DLC1: variants seen among roughly 807,000 people sequenced by gnomAD.
DLC1 encodes the protein rho GTPase-activating protein 7.
Under a neutral mutation model 140.3 loss-of-function variants are expected in DLC1, and 54 were observed. The ratio of observed to expected loss-of-function variants is 0.38; its 90% CI spans 0.31 to 0.48. DLC1 has a LOEUF of 0.48. Among genes scored for constraint, DLC1 ranks in the 20% least tolerant of loss-of-function variants. DLC1 has a pLI of 0.96. For missense variants in DLC1, 2,536 were observed against 1,907.0 expected (o/e 1.33, Z -6.14); for synonymous variants, 986 against 728.1 (o/e 1.35, Z -5.70).
intron 5 of DLC1, among the ~76,000 whole-genome samples, chr8:13,229,728 A>G (rs1202263482): frequency 6.6e-6 from 1 of 152,116 alleles, no homozygotes; most frequent in Admixed American, 6.6e-5. Flanking sequence ...TCTGCCATGA[A>G]AGTGGGTGAC....
intron 1 of DLC1, among the ~76,000 whole-genome samples, chr8:13,551,439 C>T (rs141447662): frequency 6.6e-6 from 1 of 151,872 alleles, no homozygotes; most frequent in African/African-American, 2.4e-5. Flanking sequence ...TGCCTAAGAA[C>T]GAGTCTATGG....
At chr8:13,420,401 T>C (rs1233268291) in intron 2 of DLC1, among the ~76,000 whole-genome samples, 2 of 151,962 alleles carry the variant, frequency 1.3e-5, no homozygotes, top group Non-Finnish European at 2.9e-5. Flanking sequence ...TAACTGACTA[T>C]TTTTTTTAAA....
At chr8:13,121,243 G>T (rs1306419248) in intron 5 of DLC1, among the ~76,000 whole-genome samples, 2 of 152,204 alleles carry the variant, frequency 1.3e-5, no homozygotes, top group Admixed American at 6.5e-5. Flanking sequence ...TCAGCTGTGT[G>T]CAGGCAGGTG....
chr8:13,160,815 G>A (rs923868205), intron 5 of DLC1, among the ~76,000 whole-genome samples: 1 of 152,226 alleles, frequency 6.6e-6, no homozygotes, highest in Non-Finnish European at 1.5e-5. Flanking sequence ...GCCGGGCGTG[G>A]TGGCTCACGC....
intron 2 of DLC1, among the ~76,000 whole-genome samples, chr8:13,475,563 G>A (rs1800398907): frequency 6.6e-6 from 1 of 152,182 alleles, no homozygotes; most frequent in Non-Finnish European, 1.5e-5. Flanking sequence ...AGCGACCATA[G>A]AAAATATAGA....
chr8:13,353,428 A>C (rs186167772), intron 4 of DLC1: 1 of 152,226 alleles, frequency 6.6e-6, no homozygotes, highest in African/African-American at 2.4e-5. Context: ...CCATTGAGTA[A>C]TGATGACTAG....
intron 5 of DLC1, among the ~76,000 whole-genome samples, chr8:13,260,315 A>G (rs1011000598): frequency 6.6e-6 from 1 of 152,218 alleles, no homozygotes; most frequent in Non-Finnish European, 1.5e-5. Flanking sequence ...AACTTTAGGT[A>G]AGAATGATGG....
intron 1 of DLC1, among the ~76,000 whole-genome samples, chr8:13,596,876 A>G (rs1442814857): frequency 6.6e-6 from 1 of 152,052 alleles, no homozygotes; most frequent in African/African-American, 2.4e-5. Flanking sequence ...TAATTATTTT[A>G]GAATCATACA....
At chr8:13,566,724 A>G (rs1585281492) in intron 1 of DLC1, 1 of 468,174 alleles carries the variant, frequency 2.1e-6, no homozygotes, top group East Asian at 3.4e-5. Context: ...TGCAGAAGAC[A>G]GGGCAAAATC....
At chr8:13,239,148 G>A (rs952946327) in intron 5 of DLC1, among the ~76,000 whole-genome samples, 2 of 152,142 alleles carry the variant, frequency 1.3e-5, no homozygotes, top group South Asian at 2.1e-4. Context: ...TCCAGTCTAC[G>A]AAGAACAACT....
chr8:13,589,461 C>T (rs567973124), intron 1 of DLC1, among the ~76,000 whole-genome samples: 45 of 152,084 alleles, frequency 3.0e-4, no homozygotes, highest in Middle Eastern at 3.4e-3. Context: ...TCACATGAGC[C>T]CTCTGAAAGT....
chr8:13,297,035 A>G (rs2117485436), intron 5 of DLC1, among the ~76,000 whole-genome samples: 1 of 151,942 alleles, frequency 6.6e-6, no homozygotes, highest in African/African-American at 2.4e-5. Context: ...ATATTTGGAA[A>G]ATTATCTGTA....
chr8:13,442,250 C>G (rs1206666475), intron 2 of DLC1, among the ~76,000 whole-genome samples: 1 of 152,090 alleles, frequency 6.6e-6, no homozygotes, highest in East Asian at 1.9e-4. Flanking sequence ...CCCTAAAAAC[C>G]CTAGAAGAAA....
In DLC1 at chr8:13,496,816, TTTG is replaced by T. The variant is rs780661040; in HGVS notation, c.1023+2230_1023+2232del. 1.5e-3 allele frequency among the ~76,000 whole-genome samples: 21 copies of T among 13,840 alleles called. 5 individuals are homozygous for T. The highest frequency in any genetic ancestry group is 3.9e-3 in the South Asian group (2 of 512). 9.1% of individuals were successfully genotyped at this position (13,840 alleles called of 152,430 possible). A position where few individuals can be genotyped will look rare whatever the true frequency, so the allele number is the denominator to read the frequency against. On this transcript the variant is annotated intron_variant, in intron 2 of 17. Coordinates refer to ENST00000276297, the MANE Select transcript of DLC1 (RefSeq NM_182643.3). Reference sequence around the variant, plus strand: ...TTTTTTTTTTTTTTTTTTTTTTTTTTTTGAGATGGAGTTTCGCTGTGTCACCCA... The same window carrying T: ...TTTTTTTTTTTTTTTTTTTTTTTTTTAGATGGAGTTTCGCTGTGTCACCCA...
At chr8:13,247,684 C>T (rs1829825290) in intron 5 of DLC1, among the ~76,000 whole-genome samples, 1 of 152,166 alleles carries the variant, frequency 6.6e-6, no homozygotes, top group African/African-American at 2.4e-5. Context: ...TGCTTAACTG[C>T]CCTAACACCA....
At chr8:13,398,169 A>G (rs555790245) in intron 3 of DLC1, among the ~76,000 whole-genome samples, 4 of 152,250 alleles carry the variant, frequency 2.6e-5, no homozygotes, top group Admixed American at 6.5e-5. Flanking sequence ...AAATAAAAAT[A>G]AATTATAAAT....
intron 1 of DLC1, among the ~76,000 whole-genome samples, chr8:13,576,347 T>C (rs1022852618): frequency 1.3e-5 from 2 of 152,208 alleles, no homozygotes; most frequent in African/African-American, 4.8e-5. Flanking sequence ...GGAGTGCCTA[T>C]TGTATTGCAA....
At chr8:13,311,904 C>G (rs1414361624) in intron 4 of DLC1, among the ~76,000 whole-genome samples, 2 of 152,112 alleles carry the variant, frequency 1.3e-5, no homozygotes, top group Admixed American at 1.3e-4. Flanking sequence ...GTATTTAAAG[C>G]TGGTGACTCT....
intron 5 of DLC1, among the ~76,000 whole-genome samples, chr8:13,267,632 A>G (rs1322600243): frequency 6.6e-6 from 1 of 152,166 alleles, no homozygotes; most frequent in African/African-American, 2.4e-5. Context: ...GTCAACAATC[A>G]GATGTTATAT....
Sources: gnomAD v4.1 joint callset for allele counts (sites outside exome capture counted in the v4.1 genomes callset) on GRCh38, gnomAD v4.1.1 for gene constraint, MANE v1.5 for transcripts, NCBI Gene and HGNC (gene_info 2026-07-23, HGNC 2026-07-21) for gene names.